The following DPEP1 variants were observed in gnomAD, a reference collection of about 807,000 sequenced individuals.
The protein encoded by DPEP1 is dipeptidase 1.
In DPEP1, 50 loss-of-function variants were observed where a neutral mutation model predicts 42.3. The observed-to-expected ratio is 1.18, with a 90% CI of 0.94 to 1.50. The LOEUF (loss-of-function observed/expected upper bound fraction) is 1.50, where lower values mean the gene tolerates loss of function less well. DPEP1 is among the 40% of genes most tolerant of loss of function. DPEP1 has a pLI of 0.00. For synonymous variants in DPEP1, 297 were observed against 234.0 expected (o/e 1.27, Z -2.46); for missense variants, 663 against 553.0 (o/e 1.20, Z -1.99).
chr16:89,624,954 C>T (rs1049272576), intron 1 of DPEP1, among the ~76,000 whole-genome samples: 4 of 152,100 alleles, frequency 2.6e-5, no homozygotes, highest in Admixed American at 6.5e-5. Flanking sequence ...AAGGGTGGCC[C>T]GCAGCCAGTC....
At chr16:89,630,573 G>A in intron 2 of DPEP1, 59 bp downstream of exon 2, 1 of 699,324 alleles carries the variant, frequency 1.4e-6, no homozygotes. Context: ...GGGGCTGGGA[G>A]AGCGGGGCTG....
chr16:89,632,185 G>A (rs2059596741), intron 2 of DPEP1, among the ~76,000 whole-genome samples: 1 of 152,152 alleles, frequency 6.6e-6, no homozygotes, highest in Non-Finnish European at 1.5e-5. Flanking sequence ...GAGTAGCTGG[G>A]ATTACAGGCG....
At chr16:89,615,688 G>T (rs538437077) in intron 1 of DPEP1, among the ~76,000 whole-genome samples, 1 of 152,226 alleles carries the variant, frequency 6.6e-6, no homozygotes, top group South Asian at 2.1e-4. Flanking sequence ...GCAGGACCCC[G>T]CGAGGCCCCG....
chr16:89,613,934 G>A (rs1478427120), intron 1 of DPEP1, among the ~76,000 whole-genome samples: 2 of 47,794 alleles, frequency 4.2e-5, no homozygotes, highest in Non-Finnish European at 1.2e-4. Context: ...GCTGGGACCA[G>A]GTGTGTGGGG....
At chr16:89,633,771 T>C (rs1364732351) in intron 2 of DPEP1, among the ~76,000 whole-genome samples, 1 of 152,166 alleles carries the variant, frequency 6.6e-6, no homozygotes, top group Non-Finnish European at 1.5e-5. Context: ...ACCCTCATGT[T>C]ACAGATGGGG....
Position 89,630,532 on chromosome 16 carries a change from C to T in DPEP1, c.104+18C>T, listed in dbSNP as rs757689842. 3.3e-6 allele frequency: 5 copies of T among 1,526,282 alleles called. No individual in the cohort carries two copies. The highest frequency in any genetic ancestry group is 1.2e-5 in the South Asian group (1 of 86,204). 94.5% of individuals were successfully genotyped at this position (1,526,282 alleles called of 1,614,324 possible). ...ATTGATGGGTGAGTGCTCACCTGAG[C>T]CAGGTGCTTAGGGAACCAGGACTGG... On this transcript the variant is annotated intron_variant, in intron 2 of 10. Coordinates refer to ENST00000690203, the MANE Select transcript of DPEP1 (RefSeq NM_001389466.1).
intron 1 of DPEP1, among the ~76,000 whole-genome samples, chr16:89,623,289 G>A (rs772239677): frequency 2.7e-5 from 4 of 147,314 alleles, no homozygotes; most frequent in Non-Finnish European, 6.0e-5. Flanking sequence ...ACCCCATCTC[G>A]TAAAAAAAAA....
intron 1 of DPEP1, among the ~76,000 whole-genome samples, chr16:89,628,320 C>T (rs181600455): frequency 1.7e-4 from 25 of 147,192 alleles, no homozygotes; most frequent in East Asian, 1.2e-3. Context: ...TGCAATGGCG[C>T]GATCACAGCT....
At chr16:89,623,608 A>G (rs2151482998) in intron 1 of DPEP1, among the ~76,000 whole-genome samples, 1 of 152,192 alleles carries the variant, frequency 6.6e-6, no homozygotes, top group African/African-American at 2.4e-5. Context: ...CGGGGCGGAA[A>G]AGAACACAGC....
downstream of DPEP1, among the ~76,000 whole-genome samples, chr16:89,638,961 A>C (rs1214171072): frequency 2.4e-5 from 1 of 41,926 alleles, no homozygotes; most frequent in African/African-American, 1.1e-4. Flanking sequence ...GCACACACAC[A>C]CACCGCACCC....
In DPEP1 at chr16:89,630,354, C is replaced by A; in HGVS notation, c.-57C>A. 6.8e-7 allele frequency: 1 copy of A among 1,474,860 alleles called. No individual in the cohort carries two copies. The highest frequency in any genetic ancestry group is 9.4e-7 in the Non-Finnish European group (1 of 1,066,982). 91.4% of individuals were successfully genotyped at this position (1,474,860 alleles called of 1,614,324 possible). On this transcript the variant is annotated 5_prime_UTR_variant, in exon 2 of 11. Transcript: ENST00000690203. ...AGCTCATCCTTCTGCACGGGCCAGC[C>A]AGGCCAGCACAGAGGCACCAGGGCA...
At chr16:89,628,437 T>C (rs1003679832) in intron 1 of DPEP1, among the ~76,000 whole-genome samples, 1 of 150,574 alleles carries the variant, frequency 6.6e-6, no homozygotes, top group Non-Finnish European at 1.5e-5. Context: ...TTTGTATTTT[T>C]AGTAGAGACG....
Position 89,638,263 on chromosome 16 carries a change from C to G in DPEP1, c.*41C>G. The G allele has an allele frequency of 1.3e-6, 2 of 1,484,290 alleles. No individual in the cohort carries two copies. Among genetic ancestry groups the G allele is most frequent in the Non-Finnish European group, 1.8e-6 (2 of 1,114,582 alleles). The allele number at this position is 1,484,290 out of a possible 1,614,324, so 91.9% of individuals were successfully genotyped here. On this transcript the variant is annotated 3_prime_UTR_variant, in exon 11 of 11. Coordinates refer to ENST00000690203, the MANE Select transcript of DPEP1 (RefSeq NM_001389466.1). ...AGTCCCCTTTAGGGTTCCCGGAGCT[C>G]CGGGAAGACCCGCCCATCCCAGGAC...
chr16:89,634,235 C>T (rs1276555930), intron 2 of DPEP1, among the ~76,000 whole-genome samples: 2 of 151,798 alleles, frequency 1.3e-5, no homozygotes, highest in Non-Finnish European at 2.9e-5. Flanking sequence ...ACTACAGGCA[C>T]CCGCCACCAC....
chr16:89,636,409 C>T lies in DPEP1; in HGVS notation c.370+13C>T, dbSNP rs1215876563. The T allele has an allele frequency of 4.4e-6, 7 of 1,607,810 alleles. No individual in the cohort carries two copies. The highest frequency in any genetic ancestry group is 5.9e-6 in the Non-Finnish European group (7 of 1,177,022). ...ACCAGCAGTGCAGGTGGGGTCCTGA[C>T]CTGGGTCCTCCAGGTCCTGCGTCTT... On this transcript the variant is annotated intron_variant, in intron 4 of 10. Transcript: ENST00000690203.
chr16:89,624,508 G>A (rs542864694), intron 1 of DPEP1, among the ~76,000 whole-genome samples: 8 of 151,762 alleles, frequency 5.3e-5, no homozygotes, highest in Non-Finnish European at 4.4e-5. Flanking sequence ...GGGGTGAGAG[G>A]GGCGCTGTTA....
chr16:89,628,257 T>TC (rs57516386), intron 1 of DPEP1, among the ~76,000 whole-genome samples: 32,715 of 78,308 alleles, frequency 0.42, 4,703 homozygotes, highest in African/African-American at 0.55. Flanking sequence ...CTTTTCTTTC[T>TC]TTTTTTTTTT....
rs767504775 is a variant in DPEP1, at chr16:89,637,867, T to C, written c.961T>C (p.Tyr321His). The change falls in exon 10 of 11, where the codon TAT becomes CAT. Residue 321 changes from tyrosine to histidine, a missense_variant. Tyr to His is a moderately conservative substitution (Grantham distance 83, BLOSUM62 2). Coordinates refer to ENST00000690203, the MANE Select transcript of DPEP1 (RefSeq NM_001389466.1). ...VPEGLEDVSK[Y>H]PDLIAELLRR... ...TGAGGGGCTGGAGGACGTCTCCAAG[T>C]ATCCAGACCTGATCGCTGAGCTGCT... 2 of 1,612,622 alleles carry C rather than the reference T, an allele frequency of 1.2e-6. No homozygotes were observed. Among genetic ancestry groups the C allele is most frequent in the African/African-American group, 2.7e-5 (2 of 74,898 alleles).
chr16:89,627,969 C>G (rs1211568709), intron 1 of DPEP1, among the ~76,000 whole-genome samples: 2 of 152,264 alleles, frequency 1.3e-5, no homozygotes, highest in African/African-American at 4.8e-5. Flanking sequence ...TTCGCCCAGG[C>G]GGGAGTGCAG....
Sources: gnomAD v4.1 joint callset for allele counts (sites outside exome capture counted in the v4.1 genomes callset) on GRCh38, gnomAD v4.1.1 for gene constraint, MANE v1.5 for transcripts, NCBI Gene and HGNC (gene_info 2026-07-23, HGNC 2026-07-21) for gene names.